CRPPA: variants seen among roughly 807,000 people sequenced by gnomAD.
The protein encoded by CRPPA is CDP-L-ribitol pyrophosphorylase A.
CRPPA carries 43 observed loss-of-function variants against 52.0 expected under a neutral mutation model. The ratio of observed to expected loss-of-function variants is 0.83; its 90% CI spans 0.65 to 1.07. The LOEUF is 1.07. Ranked by LOEUF, CRPPA falls within the 50% of genes least tolerant of loss-of-function variation. CRPPA has a pLI of 0.00. For synonymous variants in CRPPA, 250 were observed against 203.5 expected (o/e 1.23, Z -1.94); for missense variants, 629 against 551.7 (o/e 1.14, Z -1.40).
intron 9 of CRPPA, among the ~76,000 whole-genome samples, chr7:16,197,438 A>C (rs1482126477): frequency 3.3e-5 from 5 of 151,968 alleles, no homozygotes; most frequent in Non-Finnish European, 7.4e-5. Context: ...CCTGGGCTCA[A>C]GCGATCCTCT....
rs541451714 is a variant in CRPPA at position 16,219,274 on chromosome 7, C to G, written c.1120-3077G>C. On this transcript the variant is annotated intron_variant, in intron 8 of 9. Coordinates refer to ENST00000407010, the MANE Select transcript of CRPPA (RefSeq NM_001101426.4). ...ACAAAGACACAACATACCAGAATCT[C>G]TGGGACGCATTCAAAGCAGTGTGTA... 3.0e-3 allele frequency among the ~76,000 whole-genome samples: 456 copies of G among 150,376 alleles called. 1 individual carries two copies. The highest frequency in any genetic ancestry group is 4.9e-3 in the Non-Finnish European group (331 of 67,732).
intron 3 of CRPPA, among the ~76,000 whole-genome samples, chr7:16,367,084 A>G (rs377750169): frequency 7.2e-5 from 11 of 152,164 alleles, no homozygotes; most frequent in South Asian, 2.1e-4. Context: ...TCTCTTTATA[A>G]ATCATTTTTC....
chr7:16,129,862 A>G (rs1782649493), intron 9 of CRPPA, among the ~76,000 whole-genome samples: 1 of 152,166 alleles, frequency 6.6e-6, no homozygotes, highest in African/African-American at 2.4e-5. Context: ...GTATCCAATT[A>G]TAATGACCAG....
intron 4 of CRPPA, 48 bp downstream of exon 4, chr7:16,308,475 C>T: frequency 9.8e-7 from 1 of 1,024,944 alleles, no homozygotes; most frequent in African/African-American, 1.6e-5. Flanking sequence ...CACACGCAAA[C>T]ACATGAAAGC....
intron 9 of CRPPA, among the ~76,000 whole-genome samples, chr7:16,177,826 T>C (rs1781332949): frequency 6.6e-6 from 1 of 152,114 alleles, no homozygotes; most frequent in Non-Finnish European, 1.5e-5. Context: ...ACCAACTATC[T>C]TCTTACATAG....
chr7:16,365,114 C>A (rs1583550751), intron 3 of CRPPA, among the ~76,000 whole-genome samples: 1 of 152,184 alleles, frequency 6.6e-6, no homozygotes, highest in Non-Finnish European at 1.5e-5. Flanking sequence ...CTGAGGACAG[C>A]AGCCAGAGTC....
chr7:16,205,051 A>G (rs1781940473), intron 9 of CRPPA, among the ~76,000 whole-genome samples: 1 of 152,164 alleles, frequency 6.6e-6, no homozygotes, highest in Non-Finnish European at 1.5e-5. Context: ...TCTCAATGCA[A>G]TATACACAGC....
intron 9 of CRPPA, among the ~76,000 whole-genome samples, chr7:16,202,661 TTGAG>T (rs1781886121): frequency 6.6e-6 from 1 of 152,204 alleles, no homozygotes; most frequent in African/African-American, 2.4e-5. Context: ...CAGGGAATAC[TTGAG>T]TGAAAGATGG....
At chr7:16,407,621 A>T (rs1787985248) in intron 1 of CRPPA, among the ~76,000 whole-genome samples, 1 of 152,198 alleles carries the variant, frequency 6.6e-6, no homozygotes, top group Non-Finnish European at 1.5e-5. Context: ...AATGAAGTTA[A>T]CATTGGGTTG....
intron 9 of CRPPA, among the ~76,000 whole-genome samples, chr7:16,125,060 G>C (rs1422331524): frequency 6.6e-6 from 1 of 151,738 alleles, no homozygotes; most frequent in Non-Finnish European, 1.5e-5. Flanking sequence ...AGGAGTTTGA[G>C]ACCAGCCTGG....
chr7:16,269,398 A>C (rs1784035030), intron 6 of CRPPA: 1 of 152,216 alleles, frequency 6.6e-6, no homozygotes, highest in Non-Finnish European at 1.5e-5. Context: ...ATCCAGTAGA[A>C]TAGAGTGCAA....
Position 16,346,696 on chromosome 7 carries a change from A to G in CRPPA, c.684+29396T>C, listed in dbSNP as rs544036142. 5.3e-5 allele frequency among the ~76,000 whole-genome samples: 8 copies of G among 152,220 alleles called. No homozygotes were observed. In the East Asian group the frequency reaches 1.2e-3, roughly 22 times the overall value. On this transcript the variant is annotated intron_variant, in intron 3 of 9. Coordinates refer to ENST00000407010, the MANE Select transcript of CRPPA (RefSeq NM_001101426.4). ...GTGAAGTATACCAGCTTACTGTACTAATGTTTGGCTTTGTCACAAGGCTTA... is the reference window on the plus strand; with the variant it reads ...GTGAAGTATACCAGCTTACTGTACTGATGTTTGGCTTTGTCACAAGGCTTA...
intron 9 of CRPPA, among the ~76,000 whole-genome samples, chr7:16,151,227 GC>G (rs1427230792): frequency 1.9e-4 from 29 of 152,216 alleles, no homozygotes; most frequent in South Asian, 4.2e-4. Flanking sequence ...TTAGTGTGTT[GC>G]CTCTTCTAAA....
intron 8 of CRPPA, among the ~76,000 whole-genome samples, chr7:16,236,850 T>A (rs1157120114): frequency 6.6e-6 from 1 of 152,112 alleles, no homozygotes; most frequent in East Asian, 1.9e-4. Flanking sequence ...TATTTTAAAT[T>A]GTGTCTATCC....
At chr7:16,170,919 C>T (rs896241630) in intron 9 of CRPPA, among the ~76,000 whole-genome samples, 36 of 152,228 alleles carry the variant, frequency 2.4e-4, no homozygotes, top group Non-Finnish European at 1.3e-4. Flanking sequence ...CCTGCGAGCG[C>T]CCCGCTTAGC....
chr7:16,342,814 G>T (rs375973758), intron 3 of CRPPA, among the ~76,000 whole-genome samples: 2 of 69,470 alleles, frequency 2.9e-5, no homozygotes, highest in African/African-American at 1.1e-4. Flanking sequence ...TAGATATATA[G>T]ATATACATAT....
At chr7:16,266,804 G>A (rs1364035358) in intron 6 of CRPPA, among the ~76,000 whole-genome samples, 1 of 152,120 alleles carries the variant, frequency 6.6e-6, no homozygotes, top group Admixed American at 6.6e-5. Context: ...TCCAAAGTTG[G>A]ATAGTATCAA....
chr7:16,378,165 T>C (rs1786952478), intron 2 of CRPPA, among the ~76,000 whole-genome samples: 3 of 151,934 alleles, frequency 2.0e-5, no homozygotes, highest in South Asian at 4.1e-4. Flanking sequence ...AATGTGCAGG[T>C]TAGTTACATA....
chr7:16,124,124 T>G (rs957997012), intron 9 of CRPPA, among the ~76,000 whole-genome samples: 262 of 151,338 alleles, frequency 1.7e-3, no homozygotes, highest in Non-Finnish European at 3.3e-3. Flanking sequence ...TATTTTTTTT[T>G]TGAGGAACCT....
Sources: allele counts gnomAD v4.1 joint callset (sites outside exome capture counted in the v4.1 genomes callset), GRCh38; gene constraint gnomAD v4.1.1; transcripts MANE v1.5; gene names NCBI Gene and HGNC (gene_info 2026-07-23, HGNC 2026-07-21).